NT5DC1: variants seen among roughly 807,000 people sequenced by gnomAD.
The protein encoded by NT5DC1 is 5'-nucleotidase domain containing 1.
In NT5DC1, 42 loss-of-function variants were observed where a neutral mutation model predicts 59.4. The observed-to-expected ratio is 0.71, with a 90% CI of 0.55 to 0.92. The LOEUF is 0.92. Among genes scored for constraint, NT5DC1 ranks in the 40% least tolerant of loss-of-function variants. The probability of loss-of-function intolerance (pLI) is 0.00; values close to 1 mark genes in which losing one functional copy is unlikely to be tolerated. For synonymous variants in NT5DC1, 172 were observed against 188.1 expected (o/e 0.91, Z 0.70); for missense variants, 501 against 537.1 (o/e 0.93, Z 0.66).
intron 2 of NT5DC1, among the ~76,000 whole-genome samples, chr6:116,107,534 G>A (rs1778787956): frequency 7.8e-6 from 1 of 128,752 alleles, no homozygotes; most frequent in African/African-American, 3.1e-5. Flanking sequence ...TCTTTTAGTG[G>A]TTTTCTTTTT....
intron 10 of NT5DC1, 116 bp downstream of exon 10, chr6:116,238,464 T>TAAAA (rs56266433): frequency 1.6e-5 from 4 of 257,740 alleles, no homozygotes; most frequent in African/African-American, 2.4e-5. Context: ...ACCATCATGT[T>TAAAA]AAAAAAAAAA....
intron 6 of NT5DC1, among the ~76,000 whole-genome samples, chr6:116,126,812 AT>A (rs1779327794): frequency 6.6e-6 from 1 of 152,118 alleles, no homozygotes; most frequent in Admixed American, 6.5e-5. Flanking sequence ...TGCTGTGTTT[AT>A]TTCAGGAGAA....
chr6:116,167,044 C>T (rs1002730918), intron 6 of NT5DC1, among the ~76,000 whole-genome samples: 2 of 151,752 alleles, frequency 1.3e-5, no homozygotes, highest in African/African-American at 4.8e-5. Flanking sequence ...AATTTTTGCC[C>T]CCAAGAAAAT....
chr6:116,225,821 T>C (rs1781896049), intron 8 of NT5DC1, among the ~76,000 whole-genome samples: 1 of 152,224 alleles, frequency 6.6e-6, no homozygotes, highest in Non-Finnish European at 1.5e-5. Flanking sequence ...TACTGGAATA[T>C]GTATATGTGC....
At chr6:116,135,873 A>ATG (rs1491111454) in intron 6 of NT5DC1, among the ~76,000 whole-genome samples, 64 of 62,176 alleles carry the variant, frequency 1.0e-3, no homozygotes, top group South Asian at 5.6e-3. Context: ...ATATATATAT[A>ATG]CACACATACA....
intron 6 of NT5DC1, among the ~76,000 whole-genome samples, chr6:116,157,447 C>G (rs1388818229): frequency 6.6e-6 from 1 of 152,132 alleles, no homozygotes; most frequent in Non-Finnish European, 1.5e-5. Context: ...AGAGTTGAAA[C>G]TATGTTGAAA....
chr6:116,166,571 G>C (rs779620024), intron 6 of NT5DC1, among the ~76,000 whole-genome samples: 4 of 152,154 alleles, frequency 2.6e-5, no homozygotes, highest in Non-Finnish European at 5.9e-5. Context: ...TCCTGGCATC[G>C]ATCTCCATTT....
chr6:116,121,617 G>A lies in NT5DC1; in HGVS notation c.529+3672G>A, dbSNP rs1457455695. 1.9e-6 allele frequency: 3 copies of A among 1,613,922 alleles called. No individual in the cohort carries two copies. Among genetic ancestry groups the A allele is most frequent in the South Asian group, 1.1e-5 (1 of 91,066 alleles). On this transcript the variant is annotated intron_variant, in intron 6 of 11. Transcript: ENST00000319550. The stretch of plus-strand genomic sequence containing the variant: ...TCTCCAGGAAAGCCCCTGGGTCCTG[G>A]GGCTCCTGTGGGTCCCTGTTGTCCA...
chr6:116,156,463 A>C (rs1034961489), intron 6 of NT5DC1, among the ~76,000 whole-genome samples: 15 of 152,224 alleles, frequency 9.9e-5, no homozygotes, highest in Non-Finnish European at 1.9e-4. Flanking sequence ...CTGCCTCATA[A>C]GGGATTACTA....
intron 6 of NT5DC1, among the ~76,000 whole-genome samples, chr6:116,207,396 TTAGA>T (rs536135853): frequency 6.7e-4 from 102 of 151,990 alleles, no homozygotes; most frequent in African/African-American, 2.4e-3. Flanking sequence ...CAATCTTTAA[TTAGA>T]TAGATGATAG....
intron 6 of NT5DC1, among the ~76,000 whole-genome samples, chr6:116,139,258 T>G (rs1011062015): frequency 1.5e-4 from 23 of 152,164 alleles, no homozygotes; most frequent in Non-Finnish European, 1.3e-4. Context: ...CTCAGTCTAC[T>G]AGTAACAATT....
In NT5DC1 at chr6:116,106,239, T is replaced by G. The variant is rs745939467; in HGVS notation, c.94-5T>G. The stretch of plus-strand genomic sequence containing the variant: ...TTAATCTGTTTTTCTTCCCCTTATT[T>G]GCAGCTCATTTATAATAGCTTTGCC... On this transcript the variant is annotated splice_polypyrimidine_tract_variant and splice_region_variant and intron_variant, in intron 1 of 11. Transcript: ENST00000319550. 2.1e-6 allele frequency: 3 copies of G among 1,435,022 alleles called. No homozygotes were observed. In the East Asian group the frequency reaches 6.8e-5, roughly 33 times the overall value. The allele number at this position is 1,435,022 out of a possible 1,614,324, so 88.9% of individuals were successfully genotyped here.
chr6:116,238,901 T>C lies in NT5DC1; in HGVS notation c.1084-54T>C. 3.5e-6 allele frequency: 4 copies of C among 1,132,244 alleles called. No individual in the cohort carries two copies. In the East Asian group the frequency reaches 7.1e-5, roughly 20 times the overall value. 70.1% of individuals were successfully genotyped at this position (1,132,244 alleles called of 1,614,324 possible). On this transcript the variant is annotated intron_variant, in intron 10 of 11. Coordinates refer to ENST00000319550, the MANE Select transcript of NT5DC1 (RefSeq NM_152729.3). ...ATTTACTTAATAGACAAAAAAATTA[T>C]GAGATTGAACATTAGTTAATCACCA... is the stretch of plus-strand genomic sequence containing the variant.
At chr6:116,222,931 G>A (rs1204800) in intron 7 of NT5DC1, 103 bp from the exon 8 acceptor site, 215,550 of 646,454 alleles carry the variant, frequency 0.33, 43,225 homozygotes, top group African/African-American at 0.78. Context: ...GTCAAAAGAT[G>A]AATGATGCTG....
chr6:116,163,577 G>T (rs1780396040), intron 6 of NT5DC1, among the ~76,000 whole-genome samples: 1 of 151,622 alleles, frequency 6.6e-6, no homozygotes, highest in African/African-American at 2.4e-5. Flanking sequence ...CCAACTTTTG[G>T]CTTTGTTGAT....
At chr6:116,213,978 C>T (rs1280272951) in intron 6 of NT5DC1, among the ~76,000 whole-genome samples, 1 of 152,108 alleles carries the variant, frequency 6.6e-6, no homozygotes, top group Non-Finnish European at 1.5e-5. Flanking sequence ...CCTCCCGCCT[C>T]ACCTTCCCAA....
At chr6:116,221,732 C>T (rs564831859) in intron 7 of NT5DC1, among the ~76,000 whole-genome samples, 26 of 152,282 alleles carry the variant, frequency 1.7e-4, no homozygotes, top group South Asian at 1.7e-3. Context: ...TTTCAAGCCC[C>T]GCTCTGCAGT....
chr6:116,122,752 T>C (rs1779171056), intron 6 of NT5DC1, among the ~76,000 whole-genome samples: 1 of 152,178 alleles, frequency 6.6e-6, no homozygotes, highest in African/African-American at 2.4e-5. Flanking sequence ...ATTTGGTGTA[T>C]ATAAATGCAG....
intron 6 of NT5DC1, among the ~76,000 whole-genome samples, chr6:116,193,202 C>T (rs923322107): frequency 6.6e-6 from 1 of 151,994 alleles, no homozygotes; most frequent in African/African-American, 2.4e-5. Flanking sequence ...ACTCTTAGTT[C>T]TGCCAGTTTT....
Sources: gnomAD v4.1 joint callset for allele counts (sites outside exome capture counted in the v4.1 genomes callset) on GRCh38, gnomAD v4.1.1 for gene constraint, MANE v1.5 for transcripts, NCBI Gene and HGNC (gene_info 2026-07-23, HGNC 2026-07-21) for gene names.